KIFAP3: variants seen among roughly 807,000 people sequenced by gnomAD.
The protein encoded by KIFAP3 is kinesin-associated protein 3.
A neutral mutation model predicts 106.5 loss-of-function variants in KIFAP3; 68 were observed. The observed-to-expected ratio is 0.64, with a 90% confidence interval of 0.53 to 0.78. The LOEUF is 0.78. Ranked by LOEUF, KIFAP3 falls within the 30% of genes least tolerant of loss-of-function variation. The pLI, the probability that KIFAP3 is intolerant of heterozygous loss-of-function variation, is 0.00. For synonymous variants in KIFAP3, 320 were observed against 311.5 expected (o/e 1.03, Z -0.29); for missense variants, 780 against 941.8 (o/e 0.83, Z 2.25).
intron 12 of KIFAP3, among the ~76,000 whole-genome samples, chr1:169,984,038 C>T (rs1666662074): frequency 6.6e-6 from 1 of 151,792 alleles, no homozygotes; most frequent in Admixed American, 6.6e-5. Flanking sequence ...TAGACAATCA[C>T]ATTTTTATTT....
At chr1:169,979,370 A>C (rs890004132) in intron 15 of KIFAP3, among the ~76,000 whole-genome samples, 6 of 152,164 alleles carry the variant, frequency 3.9e-5, no homozygotes, top group Admixed American at 1.3e-4. Context: ...AATTTTGGGA[A>C]GGAATACTTC....
rs929657955 is a variant in KIFAP3, at chr1:169,953,853, A to G, written c.2273+158T>C. Reference sequence around the variant, plus strand: ...TTTTAAATACAGAAAATGTGACTTCATAAGTTAATTTAAAATCAAACAAAC... The same window carrying G: ...TTTTAAATACAGAAAATGTGACTTCGTAAGTTAATTTAAAATCAAACAAAC... On this transcript the variant is annotated intron_variant, in intron 19 of 19. Coordinates refer to ENST00000361580, the MANE Select transcript of KIFAP3 (RefSeq NM_014970.4). 2.0e-5 allele frequency among the ~76,000 whole-genome samples: 3 copies of G among 152,196 alleles called. No homozygotes were observed. In the South Asian group the frequency reaches 6.2e-4, roughly 32 times the overall value.
In KIFAP3 at chr1:169,942,919, C is replaced by CG. The variant is rs397729541; in HGVS notation, c.2273+11091_2273+11092insC. Among the ~76,000 whole-genome samples, 4 of 110,668 alleles carry CG rather than the reference C, an allele frequency of 3.6e-5. No homozygotes were observed. The East Asian group carries it at 1.3e-3, about 37-fold the overall frequency. 72.6% of individuals were successfully genotyped at this position (110,668 alleles called of 152,430 possible). On this transcript the variant is annotated intron_variant, in intron 19 of 19. Coordinates refer to ENST00000361580, the MANE Select transcript of KIFAP3 (RefSeq NM_014970.4). Reference sequence around the variant, plus strand: ...AAGCAGTTTTAAAGACGCCCCCCCCCACCCCTTTAAAAAACACAACAACAA... The same window carrying CG: ...AAGCAGTTTTAAAGACGCCCCCCCCCGACCCCTTTAAAAAACACAACAACAA...
chr1:169,965,063 T>C (rs1015830590), intron 17 of KIFAP3, among the ~76,000 whole-genome samples: 1 of 152,146 alleles, frequency 6.6e-6, no homozygotes, highest in African/African-American at 2.4e-5. Context: ...GGACAAATTG[T>C]CCATACTAAT....
In KIFAP3 at chr1:169,984,678, G is replaced by T; in HGVS notation, c.1297C>A (p.Leu433Met). 1 of 1,593,128 alleles carries T rather than the reference G, an allele frequency of 6.3e-7. No homozygotes were observed. Among genetic ancestry groups the T allele is most frequent in the Non-Finnish European group, 8.6e-7 (1 of 1,164,156 alleles). Reference protein sequence around the residue: ...TDCIPQLMKMLFECSDERIDL... With the variant: ...TDCIPQLMKMMFECSDERIDL... ...ATTCGTTCATCTGAACATTCAAACA[G>T]CATCTTCATTAACTAGCAAGAAGCA... The change falls in exon 12 of 20, where the codon CTG (leucine) becomes ATG (methionine). Residue 433 changes from leucine (L) to methionine (M), a missense_variant. By Grantham distance (15) the Leu-to-Met change is conservative. Transcript: ENST00000361580.
chr1:170,058,259 T>G (rs1035590201), intron 1 of KIFAP3, among the ~76,000 whole-genome samples: 1 of 152,142 alleles, frequency 6.6e-6, no homozygotes, highest in Non-Finnish European at 1.5e-5. Flanking sequence ...TTTTAAAAAA[T>G]TATTCTTTTC....
At chr1:169,954,249 G>A (rs967527348) in intron 18 of KIFAP3, 139 bp from the exon 19 acceptor site, 2 of 610,572 alleles carry the variant, frequency 3.3e-6, no homozygotes, top group East Asian at 2.8e-5. Context: ...CTCTCTGGGA[G>A]TATGAACAGA....
chr1:170,009,199 C>G (rs1341476837), intron 10 of KIFAP3, among the ~76,000 whole-genome samples: 1 of 152,004 alleles, frequency 6.6e-6, no homozygotes, highest in Admixed American at 6.6e-5. Flanking sequence ...CACATGTATA[C>G]CTATGTAACA....
chr1:169,980,491 G>C, intron 15 of KIFAP3, among the ~76,000 whole-genome samples: 1 of 152,124 alleles, frequency 6.6e-6, no homozygotes, highest in East Asian at 1.9e-4. Flanking sequence ...TAAATGCAAG[G>C]GGAAAACTCT....
intron 10 of KIFAP3, among the ~76,000 whole-genome samples, chr1:169,996,275 A>G (rs1667369836): frequency 6.6e-6 from 1 of 152,092 alleles, no homozygotes; most frequent in African/African-American, 2.4e-5. Context: ...AACTCTGAAT[A>G]CGTTTCCAAT....
chr1:170,083,473 G>A (rs947786363), intron 1 of KIFAP3, among the ~76,000 whole-genome samples: 2 of 152,096 alleles, frequency 1.3e-5, no homozygotes, highest in Non-Finnish European at 2.9e-5. Flanking sequence ...CTGTTCTACC[G>A]CTTATTTACT....
chr1:169,945,102 T>C (rs1177844975), intron 19 of KIFAP3, among the ~76,000 whole-genome samples: 1 of 151,170 alleles, frequency 6.6e-6, no homozygotes. Context: ...CTCCCTGAGC[T>C]TGTAGGTGCC....
intron 2 of KIFAP3, among the ~76,000 whole-genome samples, chr1:170,047,171 T>A (rs1306435239): frequency 6.6e-6 from 1 of 152,178 alleles, no homozygotes; most frequent in Non-Finnish European, 1.5e-5. Flanking sequence ...GTCTTTAGCA[T>A]TATTAAATGT....
At chr1:169,971,318 T>C (rs673656) in intron 17 of KIFAP3, among the ~76,000 whole-genome samples, 141,164 of 152,018 alleles carry the variant, frequency 0.93, 65,590 homozygotes, top group East Asian at 1. Context: ...TATGCAACAA[T>C]GGCACTGTGA....
chr1:170,035,414 A>T (rs1669636115), intron 6 of KIFAP3, 40 bp downstream of exon 6: 1 of 1,249,594 alleles, frequency 8.0e-7, no homozygotes, highest in Non-Finnish European at 1.1e-6. Context: ...AGAGCAATAG[A>T]GATACAGTAG....
rs1461881991 is a variant in KIFAP3 at position 169,921,583 on chromosome 1, C to T, written c.*93G>A. 1.1e-6 allele frequency: 1 copy of T among 898,334 alleles called. No homozygotes were observed. Among genetic ancestry groups the T allele is most frequent in the Non-Finnish European group, 1.8e-6 (1 of 557,156 alleles). 55.6% of individuals were successfully genotyped at this position (898,334 alleles called of 1,614,324 possible). ...AAAAACAAACACAGACCCACAATAA[C>T]ATCAACATGCATTATTAGGCAAAGA... is the stretch of plus-strand genomic sequence containing the variant. On this transcript the variant is annotated 3_prime_UTR_variant, in exon 20 of 20. Coordinates refer to ENST00000361580, the MANE Select transcript of KIFAP3 (RefSeq NM_014970.4).
upstream of KIFAP3, among the ~76,000 whole-genome samples, chr1:170,077,708 T>G: frequency 6.6e-6 from 1 of 152,144 alleles, no homozygotes; most frequent in Admixed American, 6.6e-5. Flanking sequence ...TCCTTTGGAG[T>G]CGCCTTATCC....
intron 2 of KIFAP3, among the ~76,000 whole-genome samples, chr1:170,048,444 T>C (rs1670383731): frequency 6.6e-6 from 1 of 151,990 alleles, no homozygotes; most frequent in Admixed American, 6.6e-5. Flanking sequence ...TTCCAATTAT[T>C]TGCAATTATG....
At chr1:170,014,308 GC>G (rs1668397394) in intron 10 of KIFAP3, among the ~76,000 whole-genome samples, 1 of 152,122 alleles carries the variant, frequency 6.6e-6, no homozygotes, top group Non-Finnish European at 1.5e-5. Context: ...CCACTTAAGA[GC>G]ATAAATCCAT....
Sources: gnomAD v4.1 joint callset for allele counts (sites outside exome capture counted in the v4.1 genomes callset) on GRCh38, gnomAD v4.1.1 for gene constraint, MANE v1.5 for transcripts, NCBI Gene and HGNC (gene_info 2026-07-23, HGNC 2026-07-21) for gene names.